The following ABCC2 variants were observed in gnomAD, a reference collection of about 807,000 sequenced individuals.
ABCC2 encodes the protein ATP binding cassette subfamily C member 2, also known as ATP-binding cassette sub-family C member 2.
A neutral mutation model predicts 173.4 loss-of-function variants in ABCC2; 157 were observed. The ratio of observed to expected loss-of-function variants is 0.91; its 90% CI spans 0.80 to 1.03. The LOEUF (loss-of-function observed/expected upper bound fraction) is 1.03. Among genes scored for constraint, ABCC2 ranks in the 50% least tolerant of loss-of-function variants. The pLI is 0.00. For synonymous variants in ABCC2, 657 were observed against 693.5 expected, an observed-to-expected ratio of 0.95 and a Z score of 0.83; for missense variants, 1,822 against 1,852.3, an observed-to-expected ratio of 0.98 and a Z score of 0.30.
chr10:99,834,987 C>A (rs2038797426), intron 24 of ABCC2, among the ~76,000 whole-genome samples: 1 of 152,190 alleles, frequency 6.6e-6, no homozygotes, highest in African/African-American at 2.4e-5. Context: ...TTTCTTTTTA[C>A]TTCGGCAAAG....
intron 17 of ABCC2, among the ~76,000 whole-genome samples, chr10:99,818,464 A>G (rs2133077942): frequency 6.6e-6 from 1 of 152,072 alleles, no homozygotes; most frequent in South Asian, 2.1e-4. Flanking sequence ...AGCACCTACT[A>G]TGTGCCAAAC....
chr10:99,837,319 TAG>T (rs1394509404), intron 25 of ABCC2, among the ~76,000 whole-genome samples: 7 of 95,154 alleles, frequency 7.4e-5, no homozygotes, highest in African/African-American at 2.9e-4. Context: ...TTATTTTTAG[TAG>T]AGACGGGGTT....
chr10:99,806,677 C>T (rs1392045096), intron 11 of ABCC2, among the ~76,000 whole-genome samples: 4 of 152,148 alleles, frequency 2.6e-5, no homozygotes, highest in Admixed American at 1.3e-4. Context: ...GTTGGTTACC[C>T]TAAAATGAAG....
In ABCC2 at chr10:99,831,738, C is replaced by G. The variant is rs775253982; in HGVS notation, c.3011C>G (p.Thr1004Ser). 1.2e-6 allele frequency: 2 copies of G among 1,614,174 alleles called. No homozygotes were observed. The highest frequency in any genetic ancestry group is 2.2e-5 in the East Asian group (1 of 44,892). The change falls in exon 22 of 32, where the codon ACC becomes AGC. Residue 1004 changes from threonine (T) to serine (S), a missense_variant. Coordinates refer to ENST00000647814, the MANE Select transcript of ABCC2 (RefSeq NM_000392.5). ...IGSNLWLSAW[T>S]SDSKIFNSTD... ...TCCAACCTCTGGCTCAGTGCTTGGA[C>G]CAGTGACTCTAAAATCTTCAATAGC...
intron 16 of ABCC2, among the ~76,000 whole-genome samples, chr10:99,814,762 CATAT>C (rs770187519): frequency 8.2e-4 from 111 of 134,574 alleles, no homozygotes; most frequent in African/African-American, 3.1e-3. Flanking sequence ...TATACACACA[CATAT>C]ATGTGTGTGT....
chr10:99,813,997 A>C (rs1470320518), intron 16 of ABCC2, among the ~76,000 whole-genome samples: 2 of 151,862 alleles, frequency 1.3e-5, no homozygotes, highest in Non-Finnish European at 2.9e-5. Flanking sequence ...TGAGAGCTAA[A>C]TCTTTGATGG....
chr10:99,830,887 T>C, intron 21 of ABCC2, 36 bp downstream of exon 21: 1 of 1,612,992 alleles, frequency 6.2e-7, no homozygotes, highest in South Asian at 1.1e-5. Flanking sequence ...TTTGAGGTGT[T>C]ATAAGGTTTA....
At chr10:99,819,780 T>G (rs1316712257) in intron 19 of ABCC2, among the ~76,000 whole-genome samples, 2 of 152,158 alleles carry the variant, frequency 1.3e-5, no homozygotes. Flanking sequence ...CAGAAAAAAA[T>G]TATGGCAGTT....
At chr10:99,844,289 T>A in intron 27 of ABCC2, 33 bp from the exon 28 acceptor site, 1 of 1,613,692 alleles carries the variant, frequency 6.2e-7, no homozygotes, top group African/African-American at 1.3e-5. Context: ...TGCCACCTTA[T>A]AAAACTTACT....
intron 6 of ABCC2, among the ~76,000 whole-genome samples, chr10:99,796,011 A>G (rs760511381): frequency 8.5e-5 from 13 of 152,122 alleles, no homozygotes; most frequent in Non-Finnish European, 1.8e-4. Context: ...CTAAACATAT[A>G]TATAATTTAT....
At chr10:99,791,173 C>T (rs973115517) in intron 2 of ABCC2, among the ~76,000 whole-genome samples, 3 of 152,040 alleles carry the variant, frequency 2.0e-5, no homozygotes, top group East Asian at 1.9e-4. Flanking sequence ...TTTGGGAGGC[C>T]GAGGCAGGCA....
chr10:99,850,665 C>A lies in ABCC2; in HGVS notation c.4377C>A (p.Val1459=), dbSNP rs1216560312. 1 of 1,614,210 alleles carries A rather than the reference C, an allele frequency of 6.2e-7. No individual in the cohort carries two copies. ...TGCTTCGGAAATCCAAGATCCTGGT[C>A]CTGGATGAGGCCACTGCTGCGGTGG... The part of the protein sequence containing the change: ...RALLRKSKIL[V]LDEATAAVDL... The change falls in exon 31 of 32, where the codon GTC becomes GTA. Residue 1459 remains valine, a synonymous_variant. Coordinates refer to ENST00000647814, the MANE Select transcript of ABCC2 (RefSeq NM_000392.5).
intron 10 of ABCC2, among the ~76,000 whole-genome samples, chr10:99,804,726 A>G (rs988584437): frequency 1.1e-4 from 17 of 152,230 alleles, no homozygotes; most frequent in Middle Eastern, 3.2e-3. Flanking sequence ...CAGTCCTGCC[A>G]GAAGTCACAG....
At chr10:99,814,711 A>ACATATACACACACG (rs2038362314) in intron 16 of ABCC2, among the ~76,000 whole-genome samples, 7 of 144,240 alleles carry the variant, frequency 4.9e-5, no homozygotes, top group Non-Finnish European at 9.2e-5. Flanking sequence ...ATGTGTATAC[A>ACATATACACACACG]TGTATATACA....
rs1207731989 is a variant in ABCC2, at chr10:99,795,775, G to GAAA, written c.632+1308_632+1310dup. Among the ~76,000 whole-genome samples, 192 of 145,806 alleles carry GAAA rather than the reference G, an allele frequency of 1.3e-3. 1 individual carries two copies. Among genetic ancestry groups the GAAA allele is most frequent in the African/African-American group, 4.8e-3 (177 of 36,700 alleles). On this transcript the variant is annotated intron_variant, in intron 6 of 31. Coordinates refer to ENST00000647814, the MANE Select transcript of ABCC2 (RefSeq NM_000392.5). ...AGAAAGAAAGAAAGAAAGAAAGAAA[G>GAAA]AAAGAAAGAAAGAAAGAAAGAAAGA...
rs1390500644 is a variant in ABCC2, at chr10:99,819,099, T to G, written c.2450T>G (p.Leu817Trp). Reference sequence around the variant, plus strand: ...ATATTATTTTTATAGACTCGACTCTTGGTTACACATAGCATGCACTTTCTT... The same window carrying G: ...ATATTATTTTTATAGACTCGACTCTGGGTTACACATAGCATGCACTTTCTT... ...NGLLKGKTRL[L>W]VTHSMHFLPQ... The change falls in exon 19 of 32, where the codon TTG (leucine) becomes TGG (tryptophan). Residue 817 changes from leucine to tryptophan, a missense_variant. Transcript: ENST00000647814. The G allele has an allele frequency of 6.2e-7, 1 of 1,614,034 alleles. No individual in the cohort carries two copies. The highest frequency in any genetic ancestry group is 1.3e-5 in the African/African-American group (1 of 74,940).
chr10:99,790,062 A>C (rs142015709), intron 2 of ABCC2, among the ~76,000 whole-genome samples: 24 of 152,362 alleles, frequency 1.6e-4, no homozygotes, highest in Non-Finnish European at 3.5e-4. Flanking sequence ...CAATGCTGCC[A>C]TACACAGCTT....
At chr10:99,807,695 C>T (rs2038137058) in intron 12 of ABCC2, among the ~76,000 whole-genome samples, 174 bp downstream of exon 12, 1 of 152,234 alleles carries the variant, frequency 6.6e-6, no homozygotes, top group Admixed American at 6.5e-5. Context: ...ACCATACCCC[C>T]AGCTCTAGTT....
rs574882772 is a variant in ABCC2, at chr10:99,791,821, C to T, written c.208-413C>T. Among the ~76,000 whole-genome samples the T allele has an allele frequency of 1.6e-4, 25 of 152,278 alleles. No individual in the cohort carries two copies. The South Asian group carries it at 3.9e-3, about 24-fold the overall frequency. On this transcript the variant is annotated intron_variant, in intron 2 of 31. Transcript: ENST00000647814. ...GGTAGCTTTCTCCAGAGTGAGCAAT[C>T]GGAGACAGAGAACAAGGAGAAATAA...
Sources: allele counts gnomAD v4.1 joint callset (sites outside exome capture counted in the v4.1 genomes callset), GRCh38; gene constraint gnomAD v4.1.1; transcripts MANE v1.5; gene names NCBI Gene and HGNC (gene_info 2026-07-23, HGNC 2026-07-21).